CDK14: variants seen among roughly 807,000 people sequenced by gnomAD.
The protein encoded by CDK14 is cyclin dependent kinase 14.
A neutral mutation model predicts 60.7 loss-of-function variants in CDK14; 34 were observed. The ratio of observed to expected loss-of-function variants is 0.56; its 90% CI spans 0.43 to 0.75. The LOEUF is 0.75. CDK14 is among the 30% of genes least tolerant of loss of function. CDK14 has a pLI of 0.00. For synonymous variants in CDK14, 197 were observed against 203.7 expected (o/e 0.97, Z 0.28); for missense variants, 482 against 564.1 (o/e 0.85, Z 1.47).
intron 2 of CDK14, among the ~76,000 whole-genome samples, chr7:90,648,902 G>C (rs1177893166): frequency 6.6e-6 from 1 of 152,200 alleles, no homozygotes; most frequent in Non-Finnish European, 1.5e-5. Context: ...GCATTTGCTA[G>C]TTCTCAAATA....
chr7:90,646,717 G>A (rs1800476555), intron 2 of CDK14, among the ~76,000 whole-genome samples: 1 of 152,046 alleles, frequency 6.6e-6, no homozygotes, highest in Admixed American at 6.6e-5. Flanking sequence ...TTTTATATCA[G>A]CATGTATATA....
intron 14 of CDK14, among the ~76,000 whole-genome samples, chr7:91,204,727 T>C (rs1485333272): frequency 6.6e-6 from 1 of 152,188 alleles, no homozygotes; most frequent in Non-Finnish European, 1.5e-5. Flanking sequence ...GGCAGGCAGA[T>C]GGCTTGAGCC....
intron 5 of CDK14, among the ~76,000 whole-genome samples, chr7:90,818,551 A>T (rs1247818845): frequency 1.3e-5 from 2 of 152,208 alleles, no homozygotes. Flanking sequence ...TTTCTGCCTC[A>T]CTAATAGCTT....
chr7:90,812,151 T>C (rs898997747), intron 5 of CDK14, among the ~76,000 whole-genome samples: 1 of 152,198 alleles, frequency 6.6e-6, no homozygotes, highest in African/African-American at 2.4e-5. Flanking sequence ...CATGCTGTTA[T>C]AAAGACACAT....
At chr7:90,705,005 A>G (rs1028321887) in intron 2 of CDK14, among the ~76,000 whole-genome samples, 13 of 152,108 alleles carry the variant, frequency 8.5e-5, no homozygotes, top group African/African-American at 3.1e-4. Flanking sequence ...AATTTACAAC[A>G]TAAAATAGAT....
At chr7:90,682,904 A>G (rs966605932) in intron 2 of CDK14, among the ~76,000 whole-genome samples, 1 of 152,174 alleles carries the variant, frequency 6.6e-6, no homozygotes, top group African/African-American at 2.4e-5. Context: ...TGGGAATGTT[A>G]TGTAACTGAT....
chr7:90,793,448 A>G (rs1250736042), intron 5 of CDK14, among the ~76,000 whole-genome samples: 1 of 152,236 alleles, frequency 6.6e-6, no homozygotes, highest in African/African-American at 2.4e-5. Context: ...AGTGTTAGCT[A>G]GGACTTGAAT....
At chr7:90,902,777 A>G (rs1206744304) in intron 7 of CDK14, among the ~76,000 whole-genome samples, 1 of 152,180 alleles carries the variant, frequency 6.6e-6, no homozygotes, top group African/African-American at 2.4e-5. Context: ...GCTTCTGCAA[A>G]GCAAAGGAAA....
intron 4 of CDK14, among the ~76,000 whole-genome samples, chr7:90,767,191 A>G (rs942244828): frequency 1.3e-5 from 2 of 152,264 alleles, no homozygotes; most frequent in African/African-American, 4.8e-5. Context: ...ATGAACTTAC[A>G]CAAACAGGTT....
At chr7:90,896,764 CAA>C (rs1710206175) in intron 6 of CDK14, among the ~76,000 whole-genome samples, 1 of 152,072 alleles carries the variant, frequency 6.6e-6, no homozygotes, top group South Asian at 2.1e-4. Flanking sequence ...GTTCCAATAT[CAA>C]AAATGAAAAG....
At chr7:90,912,906 CG>C (rs1299105945) in intron 7 of CDK14, among the ~76,000 whole-genome samples, 1 of 152,064 alleles carries the variant, frequency 6.6e-6, no homozygotes, top group Non-Finnish European at 1.5e-5. Context: ...GCCACTGCCC[CG>C]GGCCTGATTA....
chr7:90,921,930 A>T (rs1793264341), intron 8 of CDK14, among the ~76,000 whole-genome samples: 2 of 152,212 alleles, frequency 1.3e-5, no homozygotes, highest in Non-Finnish European at 2.9e-5. Flanking sequence ...AAAACAGACC[A>T]GAAACGTGAC....
chr7:91,031,974 A>G (rs940492572), intron 10 of CDK14, among the ~76,000 whole-genome samples: 13 of 152,186 alleles, frequency 8.5e-5, no homozygotes, highest in Admixed American at 2.6e-4. Flanking sequence ...CCGGCCTTGC[A>G]TACATAAGCC....
intron 5 of CDK14, among the ~76,000 whole-genome samples, chr7:90,794,454 A>C (rs1035133810): frequency 2.6e-5 from 4 of 152,092 alleles, no homozygotes; most frequent in East Asian, 1.9e-4. Context: ...TAAAAGACAG[A>C]TATTCCCTAG....
intron 14 of CDK14, among the ~76,000 whole-genome samples, chr7:91,155,562 TCA>T (rs1800958008): frequency 6.6e-6 from 1 of 152,246 alleles, no homozygotes; most frequent in Non-Finnish European, 1.5e-5. Context: ...GTTCTCCAAC[TCA>T]CAGTGTAACA....
intron 5 of CDK14, among the ~76,000 whole-genome samples, chr7:90,812,612 TATA>T (rs1430486895): frequency 6.6e-6 from 1 of 152,008 alleles, no homozygotes; most frequent in Non-Finnish European, 1.5e-5. Flanking sequence ...AAACTTAAAG[TATA>T]ATAATAATAA....
chr7:90,853,432 A>T (rs1790714033), intron 5 of CDK14, among the ~76,000 whole-genome samples: 1 of 152,156 alleles, frequency 6.6e-6, no homozygotes, highest in East Asian at 1.9e-4. Context: ...CAGACACTAG[A>T]TACATGAACT....
chr7:91,140,335 A>G (rs1800418084), intron 14 of CDK14, among the ~76,000 whole-genome samples: 1 of 152,188 alleles, frequency 6.6e-6, no homozygotes, highest in Non-Finnish European at 1.5e-5. Flanking sequence ...TTGACATTGT[A>G]TGAGGGGATC....
intron 10 of CDK14, among the ~76,000 whole-genome samples, chr7:91,028,420 T>C (rs769616258): frequency 2.6e-5 from 4 of 152,190 alleles, no homozygotes; most frequent in Non-Finnish European, 4.4e-5. Flanking sequence ...TTTTATATGA[T>C]TTATTTTCCT....
Sources: gnomAD v4.1 joint callset for allele counts (sites outside exome capture counted in the v4.1 genomes callset) on GRCh38, gnomAD v4.1.1 for gene constraint, MANE v1.5 for transcripts, NCBI Gene and HGNC (gene_info 2026-07-23, HGNC 2026-07-21) for gene names.